Variants in GEMIN7 observed in about 807,000 individuals in gnomAD.
GEMIN7 encodes the protein gem-associated protein 7.
Under a neutral mutation model 7.8 loss-of-function variants are expected in GEMIN7, and 7 were observed. The ratio of observed to expected loss-of-function variants is 0.90; its 90% confidence interval spans 0.51 to 1.69. GEMIN7 has a LOEUF of 1.69. Among genes scored for constraint, GEMIN7 ranks in the 40% most tolerant of loss-of-function variants. The probability of loss-of-function intolerance (pLI) is 0.00; values close to 1 mark genes in which losing one functional copy is unlikely to be tolerated. For synonymous variants in GEMIN7, 68 were observed against 72.4 expected, an observed-to-expected ratio of 0.94 and a Z score of 0.31; for missense variants, 159 against 176.2, an observed-to-expected ratio of 0.90 and a Z score of 0.55.
At chr19:45,076,132 G>T (rs775290649), upstream of GEMIN7, 1 of 1,558,238 alleles carries the variant, frequency 6.4e-7, no homozygotes, top group Non-Finnish European at 8.6e-7. The surrounding 1 kb of genome is among the most constrained non-coding windows in gnomAD (Gnocchi z 4.9). Flanking sequence ...CGGGCCGAGG[G>T]CGAGGAGGGC....
intron 1 of GEMIN7, 129 bp downstream of exon 1, chr19:45,079,506 G>A (rs1462117659): frequency 6.6e-6 from 1 of 152,222 alleles, no homozygotes; most frequent in Non-Finnish European, 1.5e-5. Context: ...GAAGGGAGAA[G>A]GAGAAAAACT....
upstream of GEMIN7, among the ~76,000 whole-genome samples, chr19:45,077,641 G>A (rs1353462293): frequency 6.6e-6 from 1 of 152,060 alleles, no homozygotes; most frequent in Non-Finnish European, 1.5e-5. Context: ...TGTTATTCAG[G>A]TCTGGGTTCC....
At chr19:45,084,216 A>C (rs1220377176) in intron 2 of GEMIN7, among the ~76,000 whole-genome samples, 1 of 147,570 alleles carries the variant, frequency 6.8e-6, no homozygotes. Flanking sequence ...CATCTCACAA[A>C]AAAAAAAAAA....
chr19:45,075,681 T>A, upstream of GEMIN7: 1 of 1,606,962 alleles, frequency 6.2e-7, no homozygotes, highest in South Asian at 1.1e-5. Context: ...GCCCTCGAAC[T>A]TGAGAGGGGG....
At chr19:45,076,028 C>T (rs1226080584), upstream of GEMIN7, 2 of 1,569,844 alleles carry the variant, frequency 1.3e-6, no homozygotes, top group African/African-American at 1.4e-5. The surrounding 1 kb of genome is among the most constrained non-coding windows in gnomAD (Gnocchi z 4.9). Context: ...GGGTCCCACC[C>T]GAGGGTCAAA....
upstream of GEMIN7, chr19:45,075,848 T>C (rs369727587): frequency 4.3e-6 from 7 of 1,613,710 alleles, no homozygotes; most frequent in African/African-American, 8.0e-5. Context: ...TGTTTGTCGG[T>C]CCAGGGCTGG....
At chr19:45,083,782 G>A (rs4260167) in intron 2 of GEMIN7, among the ~76,000 whole-genome samples, 110,775 of 150,186 alleles carry the variant, frequency 0.74, 42,106 homozygotes, top group African/African-American at 0.89. Context: ...CTATTTTTCT[G>A]GAGACGAGAT....
rs1437568803 is a variant in GEMIN7, at chr19:45,091,450, G to A, written c.*940G>A. The stretch of plus-strand genomic sequence containing the variant: ...AAGAAAGCAGTTTCTGTCCCTTTCT[G>A]TAGTTCCTTTAAGTTCAGGATGTAA... On this transcript the variant is annotated 3_prime_UTR_variant, in exon 3 of 3. Coordinates refer to ENST00000270257, the MANE Select transcript of GEMIN7 (RefSeq NM_024707.3). The A allele has an allele frequency of 3.0e-5, 5 of 167,150 alleles. No individual in the cohort carries two copies. Among genetic ancestry groups the A allele is most frequent in the Admixed American group, 2.0e-4 (3 of 15,284 alleles). 10.4% of individuals were successfully genotyped at this position (167,150 alleles called of 1,614,324 possible).
intron 2 of GEMIN7, among the ~76,000 whole-genome samples, chr19:45,084,992 C>T (rs759549939): frequency 4.6e-5 from 7 of 152,230 alleles, no homozygotes; most frequent in South Asian, 2.1e-4. Flanking sequence ...AGGCTGGTCT[C>T]GAACTCCTGA....
At chr19:45,080,063 A>C (rs1251528358) in intron 2 of GEMIN7, 34 bp downstream of exon 2, 1 of 152,286 alleles carries the variant, frequency 6.6e-6, no homozygotes, top group South Asian at 2.1e-4. Context: ...CATTGACCTA[A>C]GTGTTGGGCT....
chr19:45,085,968 C>T (rs1317279206), intron 2 of GEMIN7, among the ~76,000 whole-genome samples: 1 of 143,376 alleles, frequency 7.0e-6, no homozygotes, highest in South Asian at 2.3e-4. Flanking sequence ...CCCGGGTTCA[C>T]GCCATTCTCC....
chr19:45,087,747 C>G (rs1967745288), intron 2 of GEMIN7, among the ~76,000 whole-genome samples: 1 of 151,896 alleles, frequency 6.6e-6, no homozygotes, highest in African/African-American at 2.4e-5. Flanking sequence ...TATGATCTGA[C>G]TCAGGCATTA....
upstream of GEMIN7, among the ~76,000 whole-genome samples, chr19:45,077,926 C>T (rs1967388558): frequency 6.6e-6 from 1 of 151,456 alleles, no homozygotes; most frequent in Non-Finnish European, 1.5e-5. Flanking sequence ...GACAGGGACT[C>T]GCTTTGTTGC....
chr19:45,077,818 G>A (rs183321458), upstream of GEMIN7, among the ~76,000 whole-genome samples: 354 of 151,790 alleles, frequency 2.3e-3, 3 homozygotes, highest in Non-Finnish European at 4.1e-3. Flanking sequence ...GAACTAGAGG[G>A]TTATCTGAGG....
upstream of GEMIN7, chr19:45,079,148 G>A (rs946119185): frequency 4.6e-5 from 7 of 152,342 alleles, no homozygotes; most frequent in East Asian, 1.9e-4. Context: ...CCAAGCCTGC[G>A]AGCCAGCCCG....
intron 2 of GEMIN7, among the ~76,000 whole-genome samples, chr19:45,086,962 T>C (rs568506813): frequency 3.3e-4 from 50 of 152,212 alleles, no homozygotes; most frequent in Admixed American, 2.8e-3. Context: ...TTCTCCTGCC[T>C]CAGCCTCATG....
intron 2 of GEMIN7, among the ~76,000 whole-genome samples, chr19:45,084,267 TAGACCTGTAATCCC>T (rs1168888857): frequency 6.8e-6 from 1 of 147,092 alleles, no homozygotes; most frequent in Non-Finnish European, 1.5e-5. Flanking sequence ...CATGGTGGCT[TAGACCTGTAATCCC>T]AGCACTTTGG....
chr19:45,086,448 C>T (rs2122674037), intron 2 of GEMIN7, among the ~76,000 whole-genome samples: 1 of 152,312 alleles, frequency 6.6e-6, no homozygotes, highest in East Asian at 1.9e-4. Flanking sequence ...CTCAGGTCTG[C>T]ACCCACAAGG....
chr19:45,077,114 C>T (rs60239918), upstream of GEMIN7, among the ~76,000 whole-genome samples: 6,871 of 152,200 alleles, frequency 0.045, 294 homozygotes, highest in East Asian at 0.18. Flanking sequence ...GAAGGAAGCC[C>T]AGCCAGTGGG....
Sources: gnomAD v4.1 joint callset for allele counts (sites outside exome capture counted in the v4.1 genomes callset) on GRCh38, gnomAD v4.1.1 for gene constraint, Gnocchi (gnomAD v3.1) non-coding constraint, MANE v1.5 for transcripts, NCBI Gene and HGNC (gene_info 2026-07-23, HGNC 2026-07-21) for gene names.